LRRC4B: variants seen among roughly 807,000 people sequenced by gnomAD.
LRRC4B encodes the protein leucine rich repeat containing 4B.
A neutral mutation model predicts 7.3 loss-of-function variants in LRRC4B; 1 was observed. That is an observed-to-expected ratio of 0.14 (90% CI 0.05 to 0.65). The LOEUF is 0.65. Among genes scored for constraint, LRRC4B ranks in the 30% least tolerant of loss-of-function variants. LRRC4B has a pLI of 0.84. For synonymous variants in LRRC4B, 500 were observed against 499.2 expected, an observed-to-expected ratio of 1.00 and a Z score of -0.02; for missense variants, 730 against 1,041.6, an observed-to-expected ratio of 0.70 and a Z score of 4.12.
chr19:50,518,505 A>C lies in LRRC4B; in HGVS notation c.1208T>G (p.Leu403Arg). ...CACGCGGTAGGAGCCGTGGGTCATG[A>C]GGGTGCCGTTGGGCGTCAGCCAGTT... is the stretch of plus-strand genomic sequence containing the variant. ...SVNWLTPNGT[L>R]MTHGSYRVRI... The change falls in exon 3 of 3, where the codon CTC (leucine) becomes CGC (arginine). Residue 403 changes from leucine (L) to arginine (R), a missense_variant. By Grantham distance (102) the Leu-to-Arg change is moderately radical (BLOSUM62 -2). This residue lies in a region of LRRC4B where 226 missense variants were observed against 448.0 expected (regional missense o/e 0.50). Transcript: ENST00000652263. 1 of 1,565,724 alleles carries C rather than the reference A, an allele frequency of 6.4e-7. No individual in the cohort carries two copies. The highest frequency in any genetic ancestry group is 8.7e-7 in the Non-Finnish European group (1 of 1,154,582).
chr19:50,523,029 G>C (rs1302354437), intron 2 of LRRC4B, among the ~76,000 whole-genome samples: 8 of 152,216 alleles, frequency 5.3e-5, no homozygotes, highest in Admixed American at 5.2e-4. Context: ...ACTGGATCCA[G>C]GCCCTCTGGT....
At chr19:50,529,799 G>GATA (rs1375899652) in intron 2 of LRRC4B, among the ~76,000 whole-genome samples, 1 of 151,918 alleles carries the variant, frequency 6.6e-6, no homozygotes, top group East Asian at 1.9e-4. Context: ...GAATCGTCTC[G>GATA]ATAATAATAA....
At chr19:50,544,303 A>T (rs77902450) in intron 2 of LRRC4B, among the ~76,000 whole-genome samples, 3 of 151,952 alleles carry the variant, frequency 2.0e-5, no homozygotes, top group East Asian at 1.9e-4. Flanking sequence ...TCAGGAGATC[A>T]AGACCATCCT....
intron 1 of LRRC4B, among the ~76,000 whole-genome samples, chr19:50,567,469 C>T (rs1982666884): frequency 6.6e-6 from 1 of 151,872 alleles, no homozygotes; most frequent in Non-Finnish European, 1.5e-5. Context: ...ACCAAGGAAA[C>T]CCCGTGCCCG....
At chr19:50,524,491 C>T (rs568366735) in intron 2 of LRRC4B, among the ~76,000 whole-genome samples, 1 of 152,194 alleles carries the variant, frequency 6.6e-6, no homozygotes, top group African/African-American at 2.4e-5. Flanking sequence ...TGGCCTCAAG[C>T]GATCCTCCCG....
At position 50,517,541 on chromosome 19, in the gene LRRC4B, C is replaced by T. The variant is rs199936615; in HGVS notation, c.*30G>A. On this transcript the variant is annotated 3_prime_UTR_variant, in exon 3 of 3. Transcript: ENST00000652263. This position sits in a 1 kb window ranked among gnomAD's most constrained non-coding sequence, Gnocchi z 6.6. ...GGGCTGGGACCTGGGTGGGGGGCTC[C>T]ACGCCCCTCGCCCGCCCGGCCCCGC... The T allele has an allele frequency of 2.1e-6, 3 of 1,403,468 alleles. No individual in the cohort carries two copies. Among genetic ancestry groups the T allele is most frequent in the Admixed American group, 2.9e-5 (1 of 33,948 alleles). The allele number at this position is 1,403,468 out of a possible 1,614,324, so 86.9% of individuals were successfully genotyped here. A position where few individuals can be genotyped will look rare whatever the true frequency, so the allele number is the denominator to read the frequency against.
rs867073881 is a variant in LRRC4B at position 50,568,099 on chromosome 19, C to G, written c.-191G>C. 6.6e-5 allele frequency: 10 copies of G among 151,572 alleles called. No homozygotes were observed. Among genetic ancestry groups the G allele is most frequent in the African/African-American group, 1.5e-4 (6 of 41,372 alleles). 9.4% of individuals were successfully genotyped at this position (151,572 alleles called of 1,614,324 possible). ...GCCTGGAGCCTCTCGCGCTCTCCCC[C>G]CTCCCCGGCTCCTGGGTGGGGAGGG... is the stretch of plus-strand genomic sequence containing the variant. On this transcript the variant is annotated 5_prime_UTR_variant, in exon 1 of 3. Transcript: ENST00000652263.
rs1218372441 is a variant in LRRC4B, at chr19:50,519,146, C to T, written c.567G>A (p.Leu189=). The change falls in exon 3 of 3, where the codon CTG becomes CTA. Residue 189 remains leucine (L), a synonymous_variant. Transcript: ENST00000652263. This position sits in a 1 kb window ranked among gnomAD's most constrained non-coding sequence, Gnocchi z 8.1. ...NRVPSLRRLD[L]GELKRLEYIS... ...TGTATTCCAGCCGCTTGAGCTCGCC[C>T]AGGTCCAGGCGCCGCAGCGAGGGCA... 1 of 1,613,150 alleles carries T rather than the reference C, an allele frequency of 6.2e-7. No homozygotes were observed. The highest frequency in any genetic ancestry group is 8.5e-7 in the Non-Finnish European group (1 of 1,179,994).
chr19:50,565,526 C>CGT (rs67157266), intron 1 of LRRC4B, among the ~76,000 whole-genome samples: 17,277 of 147,160 alleles, frequency 0.12, 1,069 homozygotes, highest in East Asian at 0.27. Flanking sequence ...TGTGTGCTCT[C>CGT]GTGTGTGTGT....
At position 50,517,480 on chromosome 19, in the gene LRRC4B, G is replaced by A; in HGVS notation, c.*91C>T. ...TGCGTGGTCCCAGAAGGTGGGCTGG[G>A]CTGTGGGAGGGAGGGGTCCCGGTCA... On this transcript the variant is annotated 3_prime_UTR_variant, in exon 3 of 3. Coordinates refer to ENST00000652263, the MANE Select transcript of LRRC4B (RefSeq NM_001080457.2). The surrounding 1 kb of genome is among the most constrained non-coding windows in gnomAD (Gnocchi z 6.6). 8.4e-7 allele frequency: 1 copy of A among 1,185,520 alleles called. No homozygotes were observed. Among genetic ancestry groups the A allele is most frequent in the Non-Finnish European group, 1.1e-6 (1 of 914,222 alleles). The allele number at this position is 1,185,520 out of a possible 1,614,324, so 73.4% of individuals were successfully genotyped here.
In LRRC4B at chr19:50,517,697, C is replaced by A. The variant is rs929254409; in HGVS notation, c.2016G>T (p.Ala672=). 4 of 1,553,770 alleles carry A rather than the reference C, an allele frequency of 2.6e-6. No individual in the cohort carries two copies. The highest frequency in any genetic ancestry group is 4.0e-5 in the Admixed American group (2 of 49,644). ...HHHYVAAAFK[A]HYSSNPSGGG... is the part of the protein sequence containing the mutation. The stretch of plus-strand genomic sequence containing the variant: ...CGCCGCTGGGGTTGCTGCTGTAGTG[C>A]GCCTTGAAGGCGGCAGCCACGTAGT... Residue 672 remains alanine, a synonymous_variant, in exon 3 of 3, where the codon GCG becomes GCT. Transcript: ENST00000652263. This position sits in a 1 kb window ranked among gnomAD's most constrained non-coding sequence, Gnocchi z 6.6.
At chr19:50,525,406 CTTT>C (rs34552136) in intron 2 of LRRC4B, among the ~76,000 whole-genome samples, 1 of 136,012 alleles carries the variant, frequency 7.4e-6, no homozygotes. Context: ...AAGAACCGTA[CTTT>C]TTTTTTTTTT....
At chr19:50,551,993 T>C (rs1452162306) in intron 1 of LRRC4B, among the ~76,000 whole-genome samples, 1 of 151,890 alleles carries the variant, frequency 6.6e-6, no homozygotes, top group Non-Finnish European at 1.5e-5. Context: ...GGCTCCGTTA[T>C]CTAATTAACC....
chr19:50,537,668 C>T lies in LRRC4B; in HGVS notation c.297+10874G>A, dbSNP rs1981348469. 3.3e-5 allele frequency among the ~76,000 whole-genome samples: 5 copies of T among 152,202 alleles called. No homozygotes were observed. Among genetic ancestry groups the T allele is most frequent in the African/African-American group, 4.8e-5 (2 of 41,442 alleles). ...ACTTTAACAGGTGTGAGCCACCGCG[C>T]CCGGCCGACTGTTCTTTTCTGTAAG... On this transcript the variant is annotated intron_variant, in intron 2 of 2. Transcript: ENST00000652263. This position sits in a 1 kb window ranked among gnomAD's most constrained non-coding sequence, Gnocchi z 5.5.
intron 2 of LRRC4B, among the ~76,000 whole-genome samples, chr19:50,520,021 C>A (rs985877848): frequency 2.0e-5 from 3 of 150,940 alleles, no homozygotes; most frequent in African/African-American, 4.9e-5. Flanking sequence ...AGAACATAGA[C>A]CCCATCTCTA....
intron 2 of LRRC4B, among the ~76,000 whole-genome samples, chr19:50,532,089 A>G (rs942034070): frequency 6.6e-6 from 1 of 151,688 alleles, no homozygotes; most frequent in African/African-American, 2.4e-5. Flanking sequence ...ACCAAAATTT[A>G]CCCTGGCGTG....
chr19:50,546,041 A>G (rs1981791102), intron 2 of LRRC4B, among the ~76,000 whole-genome samples: 1 of 151,430 alleles, frequency 6.6e-6, no homozygotes, highest in South Asian at 2.1e-4. Context: ...ATTACTTTTT[A>G]AAGAGCCTCT....
At chr19:50,543,941 T>C (rs1260613839) in intron 2 of LRRC4B, among the ~76,000 whole-genome samples, 4 of 150,066 alleles carry the variant, frequency 2.7e-5, no homozygotes, top group African/African-American at 9.8e-5. Context: ...TGTGGTGGCT[T>C]GGGCCTGTAA....
At chr19:50,551,512 A>G (rs1335846297) in intron 1 of LRRC4B, among the ~76,000 whole-genome samples, 1 of 26,004 alleles carries the variant, frequency 3.8e-5, no homozygotes, top group African/African-American at 1.6e-4. Context: ...CTCTCCACCC[A>G]CCGACCCCAG....
Sources: gnomAD v4.1 joint callset for allele counts (sites outside exome capture counted in the v4.1 genomes callset) on GRCh38, gnomAD v4.1.1 for gene constraint, gnomAD v4.1.1 regional missense constraint, Gnocchi (gnomAD v3.1) non-coding constraint, MANE v1.5 for transcripts, NCBI Gene and HGNC (gene_info 2026-07-23, HGNC 2026-07-21) for gene names.